The following GRIA3 variants were observed in gnomAD, a reference collection of about 807,000 sequenced individuals.
The protein encoded by GRIA3 is glutamate receptor 3.
A neutral mutation model predicts 63.0 loss-of-function variants in GRIA3; 3 were observed. That is an observed-to-expected ratio of 0.05 (90% CI 0.02 to 0.12). GRIA3 has a LOEUF of 0.12. Ranked by LOEUF, GRIA3 falls within the 10% of genes least tolerant of loss-of-function variation. GRIA3 has a pLI of 1.00. For synonymous variants in GRIA3, 274 were observed against 257.9 expected (o/e 1.06, Z -0.60); for missense variants, 347 against 700.9 (o/e 0.50, Z 5.70).
chrX:123,288,278 T>C (rs779913570), intron 3 of GRIA3, among the ~76,000 whole-genome samples: 1 of 106,250 alleles, frequency 9.4e-6, no homozygotes, highest in South Asian at 4.2e-4. Context: ...AGATGGATCA[T>C]AGACTTAAAT....
At position 123,490,548 on chromosome X, in the gene GRIA3, G is replaced by C. The variant is rs1198321192; in HGVS notation, c.*1838G>C. 4 of 112,463 alleles carry C rather than the reference G, an allele frequency of 3.6e-5. No homozygotes were observed. The highest frequency in any genetic ancestry group is 1.3e-4 in the African/African-American group (4 of 30,872). The allele number at this position is 112,463 out of a possible 1,213,427, so 9.3% of individuals were successfully genotyped here. The stretch of plus-strand genomic sequence containing the variant: ...AATGTTTTCATAGGCACTGTATAAA[G>C]AAAAATGTATGTTTATTAACTCAAA... On this transcript the variant is annotated 3_prime_UTR_variant, in exon 16 of 16. Coordinates refer to ENST00000620443, the MANE Select transcript of GRIA3 (RefSeq NM_007325.5).
intron 10 of GRIA3, among the ~76,000 whole-genome samples, chrX:123,414,873 A>G (rs778973829): frequency 2.1e-3 from 233 of 111,596 alleles, no homozygotes; most frequent in Non-Finnish European, 3.0e-3. Flanking sequence ...ATAGTGCCGC[A>G]ATAAACATAC....
chrX:123,309,739 G>GC (rs1206113768), intron 3 of GRIA3, among the ~76,000 whole-genome samples: 2 of 111,690 alleles, frequency 1.8e-5, no homozygotes, highest in Non-Finnish European at 3.8e-5. Context: ...ATCCAGAAGG[G>GC]CCCCACACCT....
chrX:123,446,015 T>C (rs1296669003), intron 12 of GRIA3, among the ~76,000 whole-genome samples: 1 of 111,995 alleles, frequency 8.9e-6, no homozygotes, highest in African/African-American at 3.2e-5. Flanking sequence ...GTTGGAAAAC[T>C]TACTTGCCTA....
At chrX:123,398,562 A>AAATT in intron 6 of GRIA3, 74 bp from the exon 7 acceptor site, 1 of 855,149 alleles carries the variant, frequency 1.2e-6, no homozygotes, top group Non-Finnish European at 1.7e-6. Flanking sequence ...AAATGAATGA[A>AAATT]AATTATAAGA....
chrX:123,355,151 G>T (rs1170993470), intron 5 of GRIA3, among the ~76,000 whole-genome samples, 188 bp downstream of exon 5: 1 of 112,486 alleles, frequency 8.9e-6, no homozygotes, highest in East Asian at 2.8e-4. Context: ...TAGCTGTGAA[G>T]CAGCTATATT....
intron 5 of GRIA3, among the ~76,000 whole-genome samples, chrX:123,368,976 A>G (rs985668185): frequency 1.8e-5 from 2 of 111,553 alleles, no homozygotes; most frequent in Non-Finnish European, 3.8e-5. Context: ...TAAAGAAAAC[A>G]GGGGATCAAA....
At chrX:123,198,455 C>T (rs768568162) in intron 2 of GRIA3, among the ~76,000 whole-genome samples, 6 of 111,834 alleles carry the variant, frequency 5.4e-5, no homozygotes, top group Admixed American at 1.9e-4. Context: ...CACAGAGTAG[C>T]GAAGTGGTTG....
At chrX:123,395,964 C>T (rs1374446441) in intron 6 of GRIA3, among the ~76,000 whole-genome samples, 1 of 109,842 alleles carries the variant, frequency 9.1e-6, no homozygotes, top group African/African-American at 3.3e-5. Flanking sequence ...AGACCCTTTC[C>T]TAGAAAAGGA....
intron 3 of GRIA3, among the ~76,000 whole-genome samples, chrX:123,269,310 G>T (rs1358602259): frequency 8.9e-6 from 1 of 112,148 alleles, no homozygotes; most frequent in Non-Finnish European, 1.9e-5. Flanking sequence ...CTAACTTATA[G>T]AATTGTTGTA....
intron 3 of GRIA3, among the ~76,000 whole-genome samples, chrX:123,295,483 T>A (rs377430529): frequency 1.6e-4 from 18 of 111,315 alleles, no homozygotes; most frequent in African/African-American, 5.9e-4. Context: ...GAGTCGTGCT[T>A]CACACTACCT....
At chrX:123,287,739 C>T (rs763299985) in intron 3 of GRIA3, among the ~76,000 whole-genome samples, 1 of 111,765 alleles carries the variant, frequency 8.9e-6, no homozygotes, top group African/African-American at 3.2e-5. Flanking sequence ...GGGACAACTA[C>T]AAACCACTGA....
intron 3 of GRIA3, among the ~76,000 whole-genome samples, chrX:123,277,828 A>C (rs1157849573): frequency 1.8e-5 from 2 of 111,915 alleles, no homozygotes; most frequent in East Asian, 5.6e-4. Flanking sequence ...CCTGATTTTC[A>C]TGACCATCAA....
chrX:123,280,270 C>T (rs974210206), intron 3 of GRIA3, among the ~76,000 whole-genome samples: 11 of 112,173 alleles, frequency 9.8e-5, no homozygotes, highest in African/African-American at 1.6e-4. Context: ...AACCAAAACA[C>T]GCAGACATTT....
chrX:123,467,409 T>C (rs1192677211), intron 13 of GRIA3, among the ~76,000 whole-genome samples: 2 of 112,696 alleles, frequency 1.8e-5, no homozygotes, highest in Admixed American at 9.4e-5. Flanking sequence ...GGTTTTACTA[T>C]GTGTCAAAAA....
intron 5 of GRIA3, among the ~76,000 whole-genome samples, chrX:123,367,419 TTTTTTTG>T (rs1034859725): frequency 6.5e-4 from 71 of 109,074 alleles, no homozygotes; most frequent in Middle Eastern, 4.8e-3. Context: ...GGTTCTCTCT[TTTTTTTG>T]TTTTTTGTTT....
chrX:123,362,014 G>T lies in GRIA3; in HGVS notation c.750+7051G>T, dbSNP rs756389644. Among the ~76,000 whole-genome samples the T allele has an allele frequency of 2.7e-5, 3 of 112,025 alleles. No homozygotes were observed. In the East Asian group the frequency reaches 8.5e-4, roughly 32 times the overall value. Reference sequence around the variant, plus strand: ...ACCCTGTCAAGTTCCTATGAAGGTTGGTAAAGACTTACCCTCCATTTCTTT... The same window carrying T: ...ACCCTGTCAAGTTCCTATGAAGGTTTGTAAAGACTTACCCTCCATTTCTTT... On this transcript the variant is annotated intron_variant, in intron 5 of 15. Transcript: ENST00000620443.
chrX:123,332,401 T>C (rs2044947310), intron 4 of GRIA3, among the ~76,000 whole-genome samples: 1 of 111,924 alleles, frequency 8.9e-6, no homozygotes, highest in Non-Finnish European at 1.9e-5. Flanking sequence ...TGTATGCTTA[T>C]ATATCTCATA....
chrX:123,450,241 T>C (rs1164216412), intron 12 of GRIA3, among the ~76,000 whole-genome samples: 1 of 112,265 alleles, frequency 8.9e-6, no homozygotes, highest in African/African-American at 3.2e-5. Flanking sequence ...TGAGTTATCA[T>C]ATTGGTGCCT....
Sources: gnomAD v4.1 joint callset for allele counts (sites outside exome capture counted in the v4.1 genomes callset) on GRCh38, gnomAD v4.1.1 for gene constraint, MANE v1.5 for transcripts, NCBI Gene and HGNC (gene_info 2026-07-23, HGNC 2026-07-21) for gene names.